WASF2: variants seen among roughly 807,000 people sequenced by gnomAD.
The protein encoded by WASF2 is actin-binding protein WASF2.
In WASF2, 14 loss-of-function variants were observed where a neutral mutation model predicts 45.0. The observed-to-expected ratio is 0.31, with a 90% CI of 0.21 to 0.49. The LOEUF (loss-of-function observed/expected upper bound fraction) is 0.49, where lower values mean the gene tolerates loss of function less well. Ranked by LOEUF, WASF2 falls within the 20% of genes least tolerant of loss-of-function variation. The pLI, the probability that WASF2 is intolerant of heterozygous loss-of-function variation, is 0.99. For synonymous variants in WASF2, 200 were observed against 236.3 expected (o/e 0.85, Z 1.41); for missense variants, 439 against 636.1 (o/e 0.69, Z 3.33).
chr1:27,483,152 T>C (rs959078847), intron 1 of WASF2, among the ~76,000 whole-genome samples: 1 of 152,070 alleles, frequency 6.6e-6, no homozygotes, highest in African/African-American at 2.4e-5. Context: ...CTGGCCAACA[T>C]GGTGAAACCC....
At chr1:27,487,636 AAT>A (rs1491562048) in intron 1 of WASF2, among the ~76,000 whole-genome samples, 1 of 81,208 alleles carries the variant, frequency 1.2e-5, no homozygotes, top group Non-Finnish European at 2.1e-5. Flanking sequence ...TACAATATAT[AAT>A]ATATATTATA....
intron 1 of WASF2, among the ~76,000 whole-genome samples, chr1:27,447,324 A>G (rs1394121414): frequency 1.3e-5 from 2 of 152,214 alleles, no homozygotes; most frequent in African/African-American, 4.8e-5. Flanking sequence ...AGTTCTATTT[A>G]AAGTACTAAG....
chr1:27,452,788 C>G (rs541287743), intron 1 of WASF2, among the ~76,000 whole-genome samples: 1 of 151,418 alleles, frequency 6.6e-6, no homozygotes, highest in Non-Finnish European at 1.5e-5. Context: ...CGCACTCCAG[C>G]CTGAGTGATA....
chr1:27,409,152 C>T (rs551922505), intron 8 of WASF2, among the ~76,000 whole-genome samples: 23 of 151,926 alleles, frequency 1.5e-4, no homozygotes, highest in Admixed American at 1.1e-3. Context: ...TGGCCGGGCG[C>T]GGTGGCTCAC....
chr1:27,457,535 G>A (rs915394530), intron 1 of WASF2, among the ~76,000 whole-genome samples: 4 of 151,850 alleles, frequency 2.6e-5, no homozygotes, highest in Non-Finnish European at 4.4e-5. Flanking sequence ...TTGTTATTAA[G>A]ACAAAACGGA....
intron 1 of WASF2, among the ~76,000 whole-genome samples, chr1:27,479,826 C>T (rs939443815): frequency 1.3e-5 from 2 of 152,204 alleles, no homozygotes; most frequent in South Asian, 2.1e-4. Context: ...GATGGCGCCA[C>T]TACATTCCAG....
intron 1 of WASF2, among the ~76,000 whole-genome samples, chr1:27,481,493 G>A (rs998007084): frequency 6.6e-6 from 1 of 152,144 alleles, no homozygotes; most frequent in Non-Finnish European, 1.5e-5. Flanking sequence ...GAGGCCAGGA[G>A]TTTGAGACCA....
rs1275592980 is a variant in WASF2, at chr1:27,407,946, G to T, written c.*243C>A. On this transcript the variant is annotated 3_prime_UTR_variant, in exon 9 of 9. Coordinates refer to ENST00000618852, the MANE Select transcript of WASF2 (RefSeq NM_006990.5). ...TTCAATATGCAACAGGCACTTGAAG[G>T]AAAGAGGGAACATCCCAGCTACTGA... is the stretch of plus-strand genomic sequence containing the variant. 7.0e-6 allele frequency: 3 copies of T among 431,272 alleles called. No homozygotes were observed. Among genetic ancestry groups the T allele is most frequent in the Non-Finnish European group, 1.2e-5 (3 of 242,734 alleles). The allele number at this position is 431,272 out of a possible 1,614,324, so 26.7% of individuals were successfully genotyped here.
intron 1 of WASF2, among the ~76,000 whole-genome samples, chr1:27,432,132 T>C (rs1349009828): frequency 6.6e-6 from 1 of 152,076 alleles, no homozygotes; most frequent in African/African-American, 2.4e-5. Context: ...AAGAAAAAAA[T>C]CTTACATTCA....
At chr1:27,417,500 T>C (rs1159206984) in intron 4 of WASF2, among the ~76,000 whole-genome samples, 1 of 152,240 alleles carries the variant, frequency 6.6e-6, no homozygotes, top group African/African-American at 2.4e-5. Context: ...ACATGTCTGA[T>C]AGAAGACATC....
At chr1:27,435,499 G>A (rs2148115586) in intron 1 of WASF2, among the ~76,000 whole-genome samples, 1 of 152,066 alleles carries the variant, frequency 6.6e-6, no homozygotes, top group East Asian at 1.9e-4. Context: ...GAGGTGGGAG[G>A]ATCACTTGAA....
chr1:27,441,516 G>A (rs1333017714), intron 1 of WASF2, among the ~76,000 whole-genome samples: 1 of 152,028 alleles, frequency 6.6e-6, no homozygotes, highest in Non-Finnish European at 1.5e-5. Flanking sequence ...CACTTTGGGA[G>A]GCCGAGGTGG....
chr1:27,416,541 G>A (rs1274502690), intron 4 of WASF2, among the ~76,000 whole-genome samples: 1 of 152,200 alleles, frequency 6.6e-6, no homozygotes, highest in Non-Finnish European at 1.5e-5. Context: ...GGAAACCTGT[G>A]TGCACATGTG....
At chr1:27,427,140 T>G (rs888710277) in intron 2 of WASF2, among the ~76,000 whole-genome samples, 2 of 152,156 alleles carry the variant, frequency 1.3e-5, no homozygotes, top group African/African-American at 2.4e-5. Flanking sequence ...ACAAGTTTAT[T>G]GGATGAATAA....
intron 1 of WASF2, among the ~76,000 whole-genome samples, chr1:27,435,512 C>G (rs2017125220): frequency 6.6e-6 from 1 of 151,724 alleles, no homozygotes; most frequent in Non-Finnish European, 1.5e-5. Flanking sequence ...CACTTGAATC[C>G]AGAAGGTTGA....
intron 1 of WASF2, among the ~76,000 whole-genome samples, chr1:27,440,634 T>A (rs2017211196): frequency 6.6e-6 from 1 of 152,128 alleles, no homozygotes; most frequent in African/African-American, 2.4e-5. Context: ...AGGCTGAAAT[T>A]TAGTGGCTAT....
At chr1:27,483,450 C>G (rs2017880389) in intron 1 of WASF2, among the ~76,000 whole-genome samples, 1 of 151,394 alleles carries the variant, frequency 6.6e-6, no homozygotes, top group South Asian at 2.1e-4. Flanking sequence ...GCCTGGGCAG[C>G]AAGAGCAAAA....
At chr1:27,443,013 A>G (rs2017259878) in intron 1 of WASF2, among the ~76,000 whole-genome samples, 1 of 148,798 alleles carries the variant, frequency 6.7e-6, no homozygotes, top group Admixed American at 6.7e-5. Context: ...AAAAAAAAAA[A>G]ATTAGCCAGG....
chr1:27,439,221 A>G (rs564344292), intron 1 of WASF2, among the ~76,000 whole-genome samples: 30 of 152,334 alleles, frequency 2.0e-4, no homozygotes, highest in African/African-American at 7.0e-4. Flanking sequence ...CCTTGTCTGT[A>G]AAGTTGTTGT....
Sources: allele counts gnomAD v4.1 joint callset (sites outside exome capture counted in the v4.1 genomes callset), GRCh38; gene constraint gnomAD v4.1.1; transcripts MANE v1.5; gene names NCBI Gene and HGNC (gene_info 2026-07-23, HGNC 2026-07-21).